Variants in PTPRT observed in about 807,000 individuals in gnomAD.
PTPRT encodes the protein receptor-type tyrosine-protein phosphatase T.
PTPRT carries 56 observed loss-of-function variants against 176.8 expected under a neutral mutation model. That is an observed-to-expected ratio of 0.32 (90% CI 0.26 to 0.40). PTPRT has a LOEUF of 0.40. Ranked by LOEUF, PTPRT falls within the 10% of genes least tolerant of loss-of-function variation. PTPRT has a pLI of 1.00. For synonymous variants in PTPRT, 783 were observed against 739.0 expected (o/e 1.06, Z -0.96); for missense variants, 1,540 against 1,908.2 (o/e 0.81, Z 3.60).
At chr20:42,607,096 G>T (rs748711674) in intron 7 of PTPRT, among the ~76,000 whole-genome samples, 6 of 152,134 alleles carry the variant, frequency 3.9e-5, no homozygotes, top group African/African-American at 1.4e-4. Flanking sequence ...CGCAAAAAGA[G>T]AAATATTATA....
intron 1 of PTPRT, among the ~76,000 whole-genome samples, chr20:43,010,639 C>T (rs569009771): frequency 1.3e-5 from 2 of 152,026 alleles, no homozygotes; most frequent in South Asian, 4.2e-4. Context: ...CCACAACAAT[C>T]AACATCATCA....
At chr20:42,788,429 C>G (rs1337087733) in intron 3 of PTPRT, among the ~76,000 whole-genome samples, 3 of 152,086 alleles carry the variant, frequency 2.0e-5, no homozygotes, top group Non-Finnish European at 4.4e-5. Flanking sequence ...TCTTTTATTT[C>G]TGCTCTCTTC....
chr20:42,527,894 T>A (rs1043788523), intron 7 of PTPRT, among the ~76,000 whole-genome samples: 1 of 152,224 alleles, frequency 6.6e-6, no homozygotes, highest in Non-Finnish European at 1.5e-5. Context: ...CTACCATTTA[T>A]TAAGTTATTT....
chr20:42,415,070 C>T (rs528067109), intron 9 of PTPRT, among the ~76,000 whole-genome samples: 2 of 152,222 alleles, frequency 1.3e-5, no homozygotes, highest in Non-Finnish European at 2.9e-5. Context: ...ACTGAAGGAA[C>T]ATGTAAGTAA....
intron 1 of PTPRT, among the ~76,000 whole-genome samples, chr20:43,084,275 C>T (rs144974285): frequency 9.8e-4 from 149 of 152,240 alleles, no homozygotes; most frequent in African/African-American, 3.5e-3. Flanking sequence ...TGTATTAGTC[C>T]ATTTTCACAT....
At chr20:42,799,456 G>T (rs903031727) in intron 2 of PTPRT, among the ~76,000 whole-genome samples, 5 of 152,068 alleles carry the variant, frequency 3.3e-5, no homozygotes, top group African/African-American at 1.2e-4. Context: ...AATGTTGCAG[G>T]GCATACTGGG....
chr20:43,044,867 T>G (rs1437153738), intron 1 of PTPRT, among the ~76,000 whole-genome samples: 1 of 152,194 alleles, frequency 6.6e-6, no homozygotes, highest in South Asian at 2.1e-4. Context: ...GCAGCTGCAG[T>G]GTAAAGGCTT....
chr20:42,318,623 C>T (rs890018910), intron 11 of PTPRT, among the ~76,000 whole-genome samples: 2 of 152,178 alleles, frequency 1.3e-5, no homozygotes, highest in African/African-American at 4.8e-5. Flanking sequence ...TCCTCTTCAG[C>T]AGATTAGAAG....
At chr20:42,352,051 CCTT>C in intron 10 of PTPRT, 30 bp downstream of exon 10, 4 of 1,597,252 alleles carry the variant, frequency 2.5e-6, no homozygotes, top group Non-Finnish European at 3.4e-6. Context: ...GGTGAAACAA[CCTT>C]TTTTCCTTTT....
intron 6 of PTPRT, among the ~76,000 whole-genome samples, chr20:42,681,776 C>T (rs2075608177): frequency 6.6e-6 from 1 of 152,126 alleles, no homozygotes; most frequent in Non-Finnish European, 1.5e-5. Flanking sequence ...AATAGAGAGG[C>T]CCTGGGAGCC....
the PTPRT span, among the ~76,000 whole-genome samples, chr20:42,061,085 G>A: frequency 6.6e-6 from 1 of 152,176 alleles, no homozygotes; most frequent in Admixed American, 6.5e-5. Flanking sequence ...ATAAGCATTT[G>A]TATTAGTCAA....
intron 14 of PTPRT, among the ~76,000 whole-genome samples, chr20:42,244,035 T>C (rs1377504944): frequency 6.6e-6 from 1 of 152,226 alleles, no homozygotes; most frequent in Non-Finnish European, 1.5e-5. Context: ...TATTGTGCAT[T>C]GTAATTCCTT....
At chr20:42,056,600 T>C in the PTPRT span, among the ~76,000 whole-genome samples, 3 of 152,246 alleles carry the variant, frequency 2.0e-5, no homozygotes, top group African/African-American at 7.2e-5. Flanking sequence ...TGTGCATCCC[T>C]GTGTGGATAT....
chr20:42,403,375 G>A (rs566826096), intron 9 of PTPRT, among the ~76,000 whole-genome samples: 16 of 152,218 alleles, frequency 1.1e-4, no homozygotes, highest in Admixed American at 2.6e-4. Flanking sequence ...GTGAGCACAA[G>A]TGTTTTTTTA....
At chr20:42,448,414 G>T in intron 8 of PTPRT, 85 bp from the exon 9 acceptor site, 2 of 1,045,530 alleles carry the variant, frequency 1.9e-6, no homozygotes, top group Non-Finnish European at 3.0e-6. Context: ...GGTTGACAAA[G>T]TTGCTGTAAA....
intron 6 of PTPRT, among the ~76,000 whole-genome samples, chr20:42,680,004 G>A (rs908692789): frequency 1.3e-5 from 2 of 152,182 alleles, no homozygotes; most frequent in Admixed American, 6.5e-5. Flanking sequence ...AGGCACAGAG[G>A]AGGCATATGA....
chr20:42,784,328 A>T (rs375901149), intron 3 of PTPRT, among the ~76,000 whole-genome samples: 1 of 152,222 alleles, frequency 6.6e-6, no homozygotes, highest in African/African-American at 2.4e-5. Context: ...TGCATGGCAA[A>T]AATTTCAAGG....
chr20:42,812,080 T>TTC (rs397686428), intron 2 of PTPRT, among the ~76,000 whole-genome samples: 4 of 151,676 alleles, frequency 2.6e-5, no homozygotes, highest in Admixed American at 2.6e-4. Context: ...ACTTTTTTTT[T>TTC]CTCCTTGTGG....
intron 11 of PTPRT, among the ~76,000 whole-genome samples, chr20:42,321,543 T>A (rs6016745): frequency 0.35 from 52,963 of 152,030 alleles, 10,489 homozygotes; most frequent in African/African-American, 0.55. Flanking sequence ...GTCATTCCAA[T>A]TTCACCAAAG....
Sources: allele counts gnomAD v4.1 joint callset (sites outside exome capture counted in the v4.1 genomes callset), GRCh38; gene constraint gnomAD v4.1.1; transcripts MANE v1.5; gene names NCBI Gene and HGNC (gene_info 2026-07-23, HGNC 2026-07-21).